The following PPME1 variants were observed in gnomAD, a reference collection of about 807,000 sequenced individuals.
PPME1 encodes testicular secretory protein Li 39.
In PPME1, 17 loss-of-function variants were observed where a neutral mutation model predicts 56.9. The observed-to-expected ratio is 0.30, with a 90% CI of 0.20 to 0.45. The LOEUF is 0.45. PPME1 is among the 20% of genes least tolerant of loss of function. The pLI is 1.00. For synonymous variants in PPME1, 122 were observed against 156.2 expected (o/e 0.78, Z 1.63); for missense variants, 357 against 483.2 (o/e 0.74, Z 2.45).
At chr11:74,216,760 C>T (rs1448079898) in intron 3 of PPME1, among the ~76,000 whole-genome samples, 1 of 151,830 alleles carries the variant, frequency 6.6e-6, no homozygotes, top group Non-Finnish European at 1.5e-5. Context: ...AGAAAGAAGA[C>T]CCAAATAAAA....
At chr11:74,231,606 C>CTA (rs1859069652) in intron 7 of PPME1, among the ~76,000 whole-genome samples, 1 of 152,166 alleles carries the variant, frequency 6.6e-6, no homozygotes, top group African/African-American at 2.4e-5. Context: ...TCCCAATACA[C>CTA]TATAGTACCT....
chr11:74,202,250 T>C (rs911796545), intron 1 of PPME1, among the ~76,000 whole-genome samples: 5 of 152,184 alleles, frequency 3.3e-5, no homozygotes, highest in Non-Finnish European at 7.3e-5. Context: ...CATGGGGAAC[T>C]TTAAAAATCC....
chr11:74,184,000 T>A (rs181609875), intron 1 of PPME1, among the ~76,000 whole-genome samples: 3 of 152,290 alleles, frequency 2.0e-5, no homozygotes, highest in Admixed American at 6.5e-5. Context: ...AGAGTGAAAT[T>A]TAAAAAATAT....
intron 1 of PPME1, among the ~76,000 whole-genome samples, chr11:74,174,385 GTCTTTT>G (rs2135587560): frequency 6.6e-6 from 1 of 152,246 alleles, no homozygotes; most frequent in South Asian, 2.1e-4. Flanking sequence ...CTAGGATTCA[GTCTTTT>G]TCTTCAGTCG....
Position 74,239,232 on chromosome 11 carries a change from G to T in PPME1, c.810G>T (p.Lys270Asn). 1 of 1,612,930 alleles carries T rather than the reference G, an allele frequency of 6.2e-7. No homozygotes were observed. Among genetic ancestry groups the T allele is most frequent in the South Asian group, 1.1e-5 (1 of 90,928 alleles). Residue 270 changes from lysine to asparagine, a missense_variant, in exon 9 of 14, where the codon AAG (lysine) becomes AAT (asparagine). Physicochemically the swap from Lys to Asn is moderately conservative, Grantham distance 94 (BLOSUM62 0). This residue lies in a region of PPME1 where 182 missense variants were observed against 293.8 expected (regional missense o/e 0.62). Coordinates refer to ENST00000328257, the MANE Select transcript of PPME1 (RefSeq NM_016147.3). Reference protein sequence around the residue: ...EDEEGSESISKRKKEDDMETK... With the variant: ...EDEEGSESISNRKKEDDMETK... Reference sequence around the variant, plus strand: ...AGGAAGGAAGTGAGTCTATAAGCAAGAGGAAAAAGGAAGATGACATGGAGG... The same window carrying T: ...AGGAAGGAAGTGAGTCTATAAGCAATAGGAAAAAGGAAGATGACATGGAGG...
At chr11:74,174,460 TGC>T (rs918646441) in intron 1 of PPME1, among the ~76,000 whole-genome samples, 2 of 152,250 alleles carry the variant, frequency 1.3e-5, no homozygotes, top group Non-Finnish European at 2.9e-5. Context: ...TATGCTTACT[TGC>T]TTTTTTCTTA....
In PPME1 at chr11:74,235,727, T is replaced by A. The variant is rs951455274; in HGVS notation, c.645-174T>A. 2.4e-5 allele frequency: 25 copies of A among 1,029,836 alleles called. No homozygotes were observed. In the Admixed American group the frequency reaches 7.1e-4, roughly 29 times the overall value. The allele number at this position is 1,029,836 out of a possible 1,614,324, so 63.8% of individuals were successfully genotyped here. A position where few individuals can be genotyped will look rare whatever the true frequency, so the allele number is the denominator to read the frequency against. On this transcript the variant is annotated intron_variant, in intron 7 of 13. Coordinates refer to ENST00000328257, the MANE Select transcript of PPME1 (RefSeq NM_016147.3). Reference sequence around the variant, plus strand: ...TATGATGTTTTTACTTAATTTTTACTTATAAAACCATGTAGCCAGGTGAGT... The same window carrying A: ...TATGATGTTTTTACTTAATTTTTACATATAAAACCATGTAGCCAGGTGAGT...
At chr11:74,184,282 C>A (rs1786522414) in intron 1 of PPME1, among the ~76,000 whole-genome samples, 1 of 152,264 alleles carries the variant, frequency 6.6e-6, no homozygotes, top group Admixed American at 6.5e-5. Flanking sequence ...GAGTTTTTCT[C>A]TGTTAATTAA....
chr11:74,244,768 T>C (rs948389435), intron 9 of PPME1, among the ~76,000 whole-genome samples: 8 of 152,226 alleles, frequency 5.3e-5, no homozygotes, highest in African/African-American at 1.9e-4. Flanking sequence ...TGGTGTCATA[T>C]CCAAGAAATC....
chr11:74,191,829 G>A (rs1857848063), intron 1 of PPME1, among the ~76,000 whole-genome samples: 1 of 152,226 alleles, frequency 6.6e-6, no homozygotes, highest in South Asian at 2.1e-4. Flanking sequence ...CTAGATTTCA[G>A]GGCATATATG....
chr11:74,198,658 GC>G (rs1435685181), intron 1 of PPME1: 1 of 150,778 alleles, frequency 6.6e-6, no homozygotes, highest in Non-Finnish European at 1.5e-5. Flanking sequence ...TTGTTGTGTT[GC>G]CCAGGCTGGC....
intron 13 of PPME1, among the ~76,000 whole-genome samples, chr11:74,252,247 T>G (rs972165763): frequency 7.4e-5 from 11 of 147,984 alleles, no homozygotes; most frequent in South Asian, 2.1e-4. Flanking sequence ...TTGTTTTTTT[T>G]TTTGTTTTTT....
At chr11:74,223,455 C>T (rs1239756542) in intron 4 of PPME1, among the ~76,000 whole-genome samples, 6 of 141,264 alleles carry the variant, frequency 4.2e-5, no homozygotes, top group Non-Finnish European at 8.9e-5. Flanking sequence ...TGGGTATATA[C>T]CCAGTAGTGG....
chr11:74,216,857 G>C (rs1382574665), intron 3 of PPME1, among the ~76,000 whole-genome samples: 1 of 152,118 alleles, frequency 6.6e-6, no homozygotes, highest in African/African-American at 2.4e-5. Flanking sequence ...ATGCCAATAA[G>C]TTGGAAAATC....
At chr11:74,197,088 G>C (rs1333231998) in intron 1 of PPME1, among the ~76,000 whole-genome samples, 1 of 152,128 alleles carries the variant, frequency 6.6e-6, no homozygotes, top group Non-Finnish European at 1.5e-5. Context: ...CTGGACTTTT[G>C]ATTGTATTTA....
intron 1 of PPME1, among the ~76,000 whole-genome samples, chr11:74,183,117 T>C (rs2135595490): frequency 6.6e-6 from 1 of 151,842 alleles, no homozygotes; most frequent in South Asian, 2.1e-4. Flanking sequence ...GGCAACATAG[T>C]GAGACCACAT....
At chr11:74,181,758 C>G (rs1857545554) in intron 1 of PPME1, among the ~76,000 whole-genome samples, 1 of 152,140 alleles carries the variant, frequency 6.6e-6, no homozygotes, top group Non-Finnish European at 1.5e-5. Context: ...GTCATTTTAC[C>G]AGGAATCAGC....
chr11:74,239,068 G>GTTC, intron 8 of PPME1, 65 bp from the exon 9 acceptor site: 1 of 1,471,202 alleles, frequency 6.8e-7, no homozygotes. Context: ...GTAAGTATGA[G>GTTC]TATCTCTGAG....
At chr11:74,236,981 G>T (rs1038337398) in intron 8 of PPME1, among the ~76,000 whole-genome samples, 1 of 152,078 alleles carries the variant, frequency 6.6e-6, no homozygotes, top group Non-Finnish European at 1.5e-5. Context: ...ATAGCAATTG[G>T]TTGATCCACC....
Sources: allele counts gnomAD v4.1 joint callset (sites outside exome capture counted in the v4.1 genomes callset), GRCh38; gene constraint gnomAD v4.1.1; regional missense constraint gnomAD v4.1.1; transcripts MANE v1.5; gene names NCBI Gene and HGNC (gene_info 2026-07-23, HGNC 2026-07-21).